Variants in FHIT observed in about 807,000 individuals in gnomAD.
FHIT encodes fragile histidine triad diadenosine triphosphatase, also known as bis(5'-adenosyl)-triphosphatase.
A neutral mutation model predicts 17.9 loss-of-function variants in FHIT; 19 were observed. The ratio of observed to expected loss-of-function variants is 1.06; its 90% confidence interval spans 0.74 to 1.56. FHIT has a LOEUF of 1.56. Among genes scored for constraint, FHIT ranks in the 40% most tolerant of loss-of-function variants. FHIT has a pLI of 0.00. For synonymous variants in FHIT, 81 were observed against 69.7 expected, an observed-to-expected ratio of 1.16 and a Z score of -0.81; for missense variants, 248 against 189.2, an observed-to-expected ratio of 1.31 and a Z score of -1.82.
chr3:60,860,739 T>TACA (rs1463241880), intron 3 of FHIT, among the ~76,000 whole-genome samples: 8 of 82,282 alleles, frequency 9.7e-5, no homozygotes, highest in East Asian at 2.8e-4. Context: ...TGTACATATG[T>TACA]TCATATATAT....
At chr3:59,954,223 T>G (rs1707275857) in intron 7 of FHIT, among the ~76,000 whole-genome samples, 1 of 150,266 alleles carries the variant, frequency 6.7e-6, no homozygotes, top group South Asian at 2.1e-4. Context: ...TTTGTTCTGT[T>G]TTTTTTTCTT....
chr3:59,833,775 G>A (rs185879561), intron 8 of FHIT, among the ~76,000 whole-genome samples: 20 of 152,266 alleles, frequency 1.3e-4, no homozygotes, highest in East Asian at 3.9e-4. Context: ...CATGTTGAGG[G>A]AGAGACCTGG....
At chr3:59,829,174 G>C (rs533480315) in intron 8 of FHIT, among the ~76,000 whole-genome samples, 2 of 152,254 alleles carry the variant, frequency 1.3e-5, no homozygotes, top group African/African-American at 4.8e-5. Flanking sequence ...TTCAACTATG[G>C]ATAGTAATAT....
At chr3:59,880,272 TTCTC>T (rs1374342788) in intron 8 of FHIT, among the ~76,000 whole-genome samples, 1 of 152,030 alleles carries the variant, frequency 6.6e-6, no homozygotes, top group Non-Finnish European at 1.5e-5. Context: ...GTGCCTGCTC[TTCTC>T]TCTCTCTCAG....
At chr3:60,267,713 ATCAAT>A (rs775722207) in intron 5 of FHIT, among the ~76,000 whole-genome samples, 6 of 152,162 alleles carry the variant, frequency 3.9e-5, no homozygotes, top group Non-Finnish European at 8.8e-5. Context: ...TTTACTAATG[ATCAAT>A]TCAAGTAAAA....
chr3:60,195,475 A>G (rs1702586323), intron 5 of FHIT, among the ~76,000 whole-genome samples: 1 of 149,848 alleles, frequency 6.7e-6, no homozygotes, highest in South Asian at 2.1e-4. Flanking sequence ...TTATTGCAAC[A>G]CAGTTCACAA....
intron 5 of FHIT, among the ~76,000 whole-genome samples, chr3:60,367,316 A>T (rs2107035230): frequency 6.6e-6 from 1 of 152,324 alleles, no homozygotes; most frequent in Admixed American, 6.5e-5. Context: ...CCCTGGGACC[A>T]AATAGCTAAC....
intron 5 of FHIT, among the ~76,000 whole-genome samples, chr3:60,331,703 G>A (rs1217132103): frequency 6.6e-6 from 1 of 152,050 alleles, no homozygotes; most frequent in Non-Finnish European, 1.5e-5. Flanking sequence ...AAAATTAGCT[G>A]GGCGTGGTGG....
chr3:60,560,935 G>A (rs1366892489), intron 4 of FHIT, among the ~76,000 whole-genome samples: 1 of 151,516 alleles, frequency 6.6e-6, no homozygotes, highest in Non-Finnish European at 1.5e-5. Flanking sequence ...AAAGAGAAAA[G>A]TCCCTTCCTG....
chr3:61,034,291 G>A (rs1012476591), intron 3 of FHIT, among the ~76,000 whole-genome samples: 3 of 151,922 alleles, frequency 2.0e-5, no homozygotes, highest in African/African-American at 7.3e-5. Flanking sequence ...AGAAACCTTG[G>A]TACATCAAAG....
At chr3:60,105,690 A>C (rs1704377889) in intron 5 of FHIT, among the ~76,000 whole-genome samples, 1 of 152,212 alleles carries the variant, frequency 6.6e-6, no homozygotes, top group African/African-American at 2.4e-5. Context: ...AGCAAGACAG[A>C]AATGTGAGAT....
chr3:59,947,342 G>T (rs1417304139), intron 7 of FHIT, among the ~76,000 whole-genome samples: 1 of 151,968 alleles, frequency 6.6e-6, no homozygotes, highest in Non-Finnish European at 1.5e-5. Context: ...TGGTATTTCT[G>T]GGGGGTTGGT....
chr3:60,630,200 A>T lies in FHIT; in HGVS notation c.-17-93221T>A, dbSNP rs150172269. On this transcript the variant is annotated intron_variant, in intron 4 of 9. Coordinates refer to ENST00000492590, the MANE Select transcript of FHIT (RefSeq NM_002012.4). Reference sequence around the variant, plus strand: ...ATTTTCGAAGTTATCTCAGAAACCTAAAGTGTGTACTCTGGTATCATTAAC... The same window carrying T: ...ATTTTCGAAGTTATCTCAGAAACCTTAAGTGTGTACTCTGGTATCATTAAC... 9.8e-5 allele frequency among the ~76,000 whole-genome samples: 15 copies of T among 152,322 alleles called. No homozygotes were observed. The East Asian group carries it at 2.9e-3, about 29-fold the overall frequency.
chr3:59,943,364 A>G (rs1170216874), intron 7 of FHIT, among the ~76,000 whole-genome samples: 1 of 152,140 alleles, frequency 6.6e-6, no homozygotes, highest in Admixed American at 6.5e-5. Context: ...ACCTTTAAAT[A>G]AATCAGCAAC....
At chr3:59,862,497 CTG>C (rs1445731704) in intron 8 of FHIT, among the ~76,000 whole-genome samples, 1 of 152,214 alleles carries the variant, frequency 6.6e-6, no homozygotes, top group Non-Finnish European at 1.5e-5. Context: ...TGCTATTTCT[CTG>C]TGTTATCTAT....
intron 5 of FHIT, among the ~76,000 whole-genome samples, chr3:60,323,232 A>G (rs978362101): frequency 1.3e-5 from 2 of 152,174 alleles, no homozygotes; most frequent in Non-Finnish European, 2.9e-5. Flanking sequence ...ACTGTTTCAC[A>G]TTCATGAAAT....
chr3:59,759,201 G>A (rs1701375150), intron 8 of FHIT, among the ~76,000 whole-genome samples: 1 of 151,960 alleles, frequency 6.6e-6, no homozygotes, highest in East Asian at 1.9e-4. Context: ...TGAGAGAGAG[G>A]ACTTGGGGGG....
At chr3:60,593,913 C>G (rs1553665290) in intron 4 of FHIT, among the ~76,000 whole-genome samples, 1 of 152,060 alleles carries the variant, frequency 6.6e-6, no homozygotes, top group Non-Finnish European at 1.5e-5. Context: ...ATTAATATTT[C>G]TAAGACCAAA....
At chr3:60,664,311 C>T (rs1553691920) in intron 4 of FHIT, among the ~76,000 whole-genome samples, 3 of 152,008 alleles carry the variant, frequency 2.0e-5, no homozygotes. Context: ...ACCTTACATA[C>T]CTGGCATATA....
Sources: gnomAD v4.1 joint callset for allele counts (sites outside exome capture counted in the v4.1 genomes callset) on GRCh38, gnomAD v4.1.1 for gene constraint, MANE v1.5 for transcripts, NCBI Gene and HGNC (gene_info 2026-07-23, HGNC 2026-07-21) for gene names.